Variants in DAPK2 observed in about 807,000 individuals in gnomAD.
The protein encoded by DAPK2 is death-associated protein kinase 2.
In DAPK2, 35 loss-of-function variants were observed where a neutral mutation model predicts 44.1. That is an observed-to-expected ratio of 0.79 (90% CI 0.61 to 1.05). The LOEUF is 1.05. Among genes scored for constraint, DAPK2 ranks in the 50% least tolerant of loss-of-function variants. The pLI, the probability that DAPK2 is intolerant of heterozygous loss-of-function variation, is 0.00. For synonymous variants in DAPK2, 174 were observed against 182.6 expected (o/e 0.95, Z 0.38); for missense variants, 453 against 483.2 (o/e 0.94, Z 0.59).
Position 63,923,304 on chromosome 15 carries a change from C to T in DAPK2, c.858+1512G>A. The T allele has an allele frequency of 6.5e-7, 1 of 1,535,846 alleles. No homozygotes were observed. Among genetic ancestry groups the T allele is most frequent in the Non-Finnish European group, 8.7e-7 (1 of 1,146,712 alleles). On this transcript the variant is annotated intron_variant, in intron 8 of 10. Transcript: ENST00000261891. The surrounding 1 kb of genome is among the most constrained non-coding windows in gnomAD (Gnocchi z 4.2). The stretch of plus-strand genomic sequence containing the variant: ...TGCTTGGTCTTCAGCTGGGTGGGCT[C>T]TGTCTTCCGCTGTTCAGGGGCTCTG...
intron 3 of DAPK2, among the ~76,000 whole-genome samples, chr15:63,950,551 CAACTATTAGAAAGAAAAAAA>C (rs1291661191): frequency 2.6e-5 from 4 of 152,046 alleles, no homozygotes; most frequent in Non-Finnish European, 5.9e-5. Context: ...AAGAAAAAAA[CAACTATTAGAAAGAAAAAAA>C]CACTGTTTTA....
intron 3 of DAPK2, among the ~76,000 whole-genome samples, chr15:63,940,990 T>C (rs2077292418): frequency 6.6e-6 from 1 of 152,212 alleles, no homozygotes; most frequent in Non-Finnish European, 1.5e-5. Flanking sequence ...GTTGGTTATA[T>C]AACTTTGTAA....
chr15:63,991,474 C>T (rs1475507604), intron 1 of DAPK2: 6 of 370,540 alleles, frequency 1.6e-5, no homozygotes, highest in Non-Finnish European at 2.7e-5. Context: ...TTTCTAGTTC[C>T]TTGACGATGG....
intron 3 of DAPK2, among the ~76,000 whole-genome samples, chr15:63,949,162 C>T (rs979114458): frequency 6.6e-6 from 1 of 152,206 alleles, no homozygotes; most frequent in Non-Finnish European, 1.5e-5. Flanking sequence ...AGGGCCTGAA[C>T]TCAGTTGCAC....
chr15:64,001,225 A>AG (rs1388475510), intron 1 of DAPK2, among the ~76,000 whole-genome samples: 1 of 151,688 alleles, frequency 6.6e-6, no homozygotes, highest in African/African-American at 2.4e-5. Flanking sequence ...AAAAAAAAAA[A>AG]ATCTAGTCTG....
chr15:63,934,261 T>TTTA (rs1412845656), intron 4 of DAPK2, among the ~76,000 whole-genome samples: 1 of 135,674 alleles, frequency 7.4e-6, no homozygotes, highest in Non-Finnish European at 1.6e-5. Flanking sequence ...TTTTTTTTTT[T>TTTA]TTTTTTTTTT....
At chr15:63,920,251 T>C (rs538839112) in intron 8 of DAPK2, 3 of 152,164 alleles carry the variant, frequency 2.0e-5, no homozygotes, top group Admixed American at 1.3e-4. Context: ...ATCACACTGA[T>C]AGTGCAAATT....
intron 4 of DAPK2, among the ~76,000 whole-genome samples, chr15:63,938,282 G>A (rs1441653454): frequency 6.6e-6 from 1 of 152,178 alleles, no homozygotes; most frequent in East Asian, 1.9e-4. Flanking sequence ...CCTTGAACAA[G>A]GCACCTGTTG....
Position 63,966,033 on chromosome 15 carries a change from A to G in DAPK2, c.453+5390T>C, listed in dbSNP as rs1409622229. Among the ~76,000 whole-genome samples, 1 of 151,990 alleles carries G rather than the reference A, an allele frequency of 6.6e-6. No individual in the cohort carries two copies. The highest frequency in any genetic ancestry group is 6.5e-5 in the Admixed American group (1 of 15,274). ...CTTTCCATAGCCACCACAGCTGGGA[A>G]TGTGCTGGGTCACACCTGAAGCCAG... On this transcript the variant is annotated intron_variant, in intron 3 of 10. Transcript: ENST00000261891. The surrounding 1 kb of genome is among the most constrained non-coding windows in gnomAD (Gnocchi z 5.5).
At chr15:63,987,692 T>C (rs73456728) in intron 1 of DAPK2, among the ~76,000 whole-genome samples, 2,905 of 152,282 alleles carry the variant, frequency 0.019, 102 homozygotes, top group African/African-American at 0.066. Flanking sequence ...GAAAGCTTCC[T>C]GTCAGACAGC....
chr15:63,911,737 C>G, intron 10 of DAPK2, 171 bp downstream of exon 11: 1 of 687,408 alleles, frequency 1.5e-6, no homozygotes, highest in Non-Finnish European at 2.5e-6. Context: ...CCAGAACACA[C>G]TCCTCTGAAG....
chr15:63,999,645 T>C (rs1319198608), intron 1 of DAPK2, among the ~76,000 whole-genome samples: 2 of 152,136 alleles, frequency 1.3e-5, no homozygotes, highest in African/African-American at 2.4e-5. Context: ...TGAGATTGCA[T>C]AGAAAGCCTT....
At chr15:64,024,950 G>A (rs1199570193) in intron 1 of DAPK2, among the ~76,000 whole-genome samples, 1 of 152,166 alleles carries the variant, frequency 6.6e-6, no homozygotes, top group Non-Finnish European at 1.5e-5. Flanking sequence ...GAAGCTGCCA[G>A]CAAGGAGGTG....
At chr15:64,000,186 T>TACTAC (rs1198868040) in intron 1 of DAPK2, among the ~76,000 whole-genome samples, 7 of 147,936 alleles carry the variant, frequency 4.7e-5, no homozygotes, top group Admixed American at 1.3e-4. Context: ...CTACTACTAC[T>TACTAC]ACACACACAC....
chr15:63,993,439 T>C (rs2078869354), intron 1 of DAPK2, among the ~76,000 whole-genome samples: 2 of 146,302 alleles, frequency 1.4e-5, no homozygotes, highest in Admixed American at 1.4e-4. Context: ...TAACCAGTTA[T>C]TTCTTGCCCA....
At chr15:63,951,323 G>A (rs146569284) in intron 3 of DAPK2, among the ~76,000 whole-genome samples, 91 of 152,240 alleles carry the variant, frequency 6.0e-4, no homozygotes, top group African/African-American at 2.1e-3. Flanking sequence ...AAGGGGGTGC[G>A]GTTCCTGGGT....
At chr15:63,989,203 A>AAG (rs2078750679) in intron 1 of DAPK2, among the ~76,000 whole-genome samples, 1 of 151,112 alleles carries the variant, frequency 6.6e-6, no homozygotes, top group East Asian at 1.9e-4. Flanking sequence ...AAAAAAAAAA[A>AAG]AAAAAAAGCC....
At chr15:63,987,144 T>A (rs1365964846) in intron 1 of DAPK2, among the ~76,000 whole-genome samples, 8 of 152,126 alleles carry the variant, frequency 5.3e-5, no homozygotes, top group Non-Finnish European at 1.2e-4. Flanking sequence ...AAATTTGCAG[T>A]CAGGCACTCC....
At chr15:63,907,233 C>T (rs959706478) in exon 11 of DAPK2, 1 of 152,040 alleles carries the variant, frequency 6.6e-6, no homozygotes, top group Non-Finnish European at 1.5e-5. Flanking sequence ...TATATTGCAT[C>T]GGGGCCCATA....
Sources: allele counts gnomAD v4.1 joint callset (sites outside exome capture counted in the v4.1 genomes callset), GRCh38; gene constraint gnomAD v4.1.1; non-coding constraint Gnocchi (gnomAD v3.1); transcripts MANE v1.5; gene names NCBI Gene and HGNC (gene_info 2026-07-23, HGNC 2026-07-21).